Variants in MIS18A observed in about 807,000 individuals in gnomAD.
MIS18A encodes the protein MIS18 kinetochore protein A.
A neutral mutation model predicts 25.0 loss-of-function variants in MIS18A; 14 were observed. The observed-to-expected ratio is 0.56, with a 90% confidence interval of 0.37 to 0.88. The LOEUF is 0.88. Among genes scored for constraint, MIS18A ranks in the 40% least tolerant of loss-of-function variants. MIS18A has a pLI of 0.00. For missense variants in MIS18A, 292 were observed against 290.8 expected (o/e 1.00, Z -0.03); for synonymous variants, 134 against 118.6 (o/e 1.13, Z -0.84).
At chr21:32,231,222 C>A in the MIS18A span, among the ~76,000 whole-genome samples, 1 of 141,248 alleles carries the variant, frequency 7.1e-6, no homozygotes, top group African/African-American at 2.7e-5. Context: ...GGCGACACAG[C>A]GAGACCCTGT....
At chr21:32,184,184 C>T in the MIS18A span, among the ~76,000 whole-genome samples, 3 of 152,134 alleles carry the variant, frequency 2.0e-5, no homozygotes, top group Non-Finnish European at 2.9e-5. Context: ...TTATCATCCC[C>T]GCTCAGGAAA....
At chr21:32,164,634 T>C in the MIS18A span, among the ~76,000 whole-genome samples, 1 of 150,578 alleles carries the variant, frequency 6.6e-6, no homozygotes, top group South Asian at 2.1e-4. Flanking sequence ...ATTCAAATTA[T>C]ATATATATAT....
chr21:32,256,304 C>G, the MIS18A span, among the ~76,000 whole-genome samples: 1 of 152,244 alleles, frequency 6.6e-6, no homozygotes, highest in African/African-American at 2.4e-5. Flanking sequence ...GATCTATCAT[C>G]AAATTTCCCT....
chr21:32,204,366 A>C, the MIS18A span, among the ~76,000 whole-genome samples: 1 of 151,940 alleles, frequency 6.6e-6, no homozygotes, highest in African/African-American at 2.4e-5. Context: ...GCACCGTGGC[A>C]GGCGCCTGTA....
At chr21:32,194,340 TG>T in the MIS18A span, among the ~76,000 whole-genome samples, 12 of 121,474 alleles carry the variant, frequency 9.9e-5, no homozygotes, top group Admixed American at 7.1e-4. Flanking sequence ...TCCATATGTA[TG>T]ATATATATAT....
In MIS18A at chr21:32,274,032, GT is replaced by G. The variant is rs2031761834; in HGVS notation, c.401+797del. On this transcript the variant is annotated intron_variant, in intron 2 of 4. Transcript: ENST00000290130. ...AGGGCTTCAGATTGCTGGAGCTCCTGTGTTGTTTGCTCTTGCCACAAACAGC... is the reference window on the plus strand; with the variant it reads ...AGGGCTTCAGATTGCTGGAGCTCCTGGTTGTTTGCTCTTGCCACAAACAGC... Among the ~76,000 whole-genome samples the G allele has an allele frequency of 2.6e-5, 4 of 152,190 alleles. No individual in the cohort carries two copies. The South Asian group carries it at 8.3e-4, about 32-fold the overall frequency.
chr21:32,242,185 G>A, the MIS18A span, among the ~76,000 whole-genome samples: 5 of 152,332 alleles, frequency 3.3e-5, no homozygotes, highest in African/African-American at 1.2e-4. Flanking sequence ...CGGCCAGAAA[G>A]GATTTTTACA....
At chr21:32,255,548 T>C in the MIS18A span, among the ~76,000 whole-genome samples, 12 of 150,642 alleles carry the variant, frequency 8.0e-5, no homozygotes, top group African/African-American at 2.7e-4. Context: ...GGGTACTTTT[T>C]GAAGTTTCAA....
At chr21:32,258,848 T>C in the MIS18A span, among the ~76,000 whole-genome samples, 39 of 123,468 alleles carry the variant, frequency 3.2e-4, no homozygotes, top group Admixed American at 5.2e-4. Flanking sequence ...ATTTATTTAT[T>C]TATTTATTTA....
downstream of MIS18A, among the ~76,000 whole-genome samples, chr21:32,263,927 A>G (rs1009847540): frequency 6.6e-6 from 1 of 151,790 alleles, no homozygotes; most frequent in Non-Finnish European, 1.5e-5. Context: ...AAATTTCATA[A>G]TTGGCTCTCC....
downstream of MIS18A, among the ~76,000 whole-genome samples, chr21:32,267,447 C>T (rs1260625818): frequency 6.6e-6 from 1 of 152,228 alleles, no homozygotes. Context: ...ATCTTCTGAT[C>T]TGTAACAGAA....
chr21:32,273,680 G>A (rs1326496506), intron 2 of MIS18A, among the ~76,000 whole-genome samples: 2 of 152,174 alleles, frequency 1.3e-5, no homozygotes, highest in African/African-American at 4.8e-5. Flanking sequence ...GTATTGGGAG[G>A]AGGGGTCATC....
the MIS18A span, among the ~76,000 whole-genome samples, chr21:32,227,161 A>G: frequency 6.6e-6 from 1 of 152,096 alleles, no homozygotes; most frequent in Non-Finnish European, 1.5e-5. Flanking sequence ...TTAAGAAACT[A>G]GAAAAAGAAC....
At chr21:32,262,760 T>G in the MIS18A span, among the ~76,000 whole-genome samples, 1 of 152,236 alleles carries the variant, frequency 6.6e-6, no homozygotes, top group African/African-American at 2.4e-5. Context: ...TCATTTAATT[T>G]TGTTAAGCTA....
the MIS18A span, among the ~76,000 whole-genome samples, chr21:32,253,910 C>T: frequency 6.6e-6 from 1 of 151,868 alleles, no homozygotes; most frequent in Admixed American, 6.6e-5. Context: ...TTTTTTTAAA[C>T]AGCATTTTGA....
chr21:32,274,849 G>A lies in MIS18A; in HGVS notation c.382C>T (p.Arg128Cys), dbSNP rs199945277. 1.0e-4 allele frequency: 166 copies of A among 1,612,324 alleles called. No individual in the cohort carries two copies. The highest frequency in any genetic ancestry group is 6.5e-5 in the Non-Finnish European group (77 of 1,178,854). Residue 128 changes from arginine to cysteine, a missense_variant, in exon 2 of 5, where the codon CGT becomes TGT. Physicochemically the swap from Arg to Cys is radical, Grantham distance 180 (BLOSUM62 -3). Transcript: ENST00000290130. ...SVDKEQKLSKREKENGCVLET... is the reference protein window; with the variant it reads ...SVDKEQKLSKCEKENGCVLET... ...ACTCACCAACCATTTTCCTTTTCAC[G>A]TTTGGATAGCTTCTGTTCCTTATCC...
At chr21:32,175,646 G>GAAAAA in the MIS18A span, among the ~76,000 whole-genome samples, 411 of 135,570 alleles carry the variant, frequency 3.0e-3, 15 homozygotes, top group East Asian at 0.052. Context: ...GGTCTCTACT[G>GAAAAA]AAAAAAAAAA....
At chr21:32,201,287 G>C in the MIS18A span, among the ~76,000 whole-genome samples, 1 of 150,832 alleles carries the variant, frequency 6.6e-6, no homozygotes, top group Non-Finnish European at 1.5e-5. Context: ...CATCGGAGCC[G>C]ACCCCGAGAC....
the MIS18A span, among the ~76,000 whole-genome samples, chr21:32,185,087 C>A: frequency 6.6e-6 from 1 of 152,118 alleles, no homozygotes; most frequent in Non-Finnish European, 1.5e-5. Context: ...AGTACCCCAG[C>A]CCCTCTCTGT....
Sources: allele counts gnomAD v4.1 joint callset (sites outside exome capture counted in the v4.1 genomes callset), GRCh38; gene constraint gnomAD v4.1.1; transcripts MANE v1.5; gene names NCBI Gene and HGNC (gene_info 2026-07-23, HGNC 2026-07-21).